Variants in DCHS2 observed in about 807,000 individuals in gnomAD.
DCHS2 encodes the protein protocadherin-23.
In DCHS2, 142 loss-of-function variants were observed where a neutral mutation model predicts 182.4. That is an observed-to-expected ratio of 0.78 (90% CI 0.68 to 0.89). The LOEUF is 0.89. Among genes scored for constraint, DCHS2 ranks in the 40% least tolerant of loss-of-function variants. The pLI, the probability that DCHS2 is intolerant of heterozygous loss-of-function variation, is 0.00. For missense variants in DCHS2, 4,319 were observed against 4,198.6 expected, an observed-to-expected ratio of 1.03 and a Z score of -0.79; for synonymous variants, 1,740 against 1,663.3, an observed-to-expected ratio of 1.05 and a Z score of -1.12.
chr4:154,425,179 G>A (rs987065760), intron 1 of DCHS2, among the ~76,000 whole-genome samples: 1 of 152,152 alleles, frequency 6.6e-6, no homozygotes, highest in African/African-American at 2.4e-5. Context: ...GACAATGGAA[G>A]TCATCCCAAA....
chr4:154,234,390 TTA>T lies in DCHS2; in HGVS notation c.*144_*145del. 8.6e-7 allele frequency: 1 copy of T among 1,165,696 alleles called. No individual in the cohort carries two copies. The highest frequency in any genetic ancestry group is 1.2e-6 in the Non-Finnish European group (1 of 862,660). The allele number at this position is 1,165,696 out of a possible 1,614,324, so 72.2% of individuals were successfully genotyped here. ...AAGGCTGGAAGAAATTGGAGAAACT[TTA>T]ATGGGGAAGTTTTAAAAACTCTAAC... On this transcript the variant is annotated 3_prime_UTR_variant, in exon 20 of 20. Transcript: ENST00000357232.
At chr4:154,312,265 T>A (rs1046499726) in intron 10 of DCHS2, among the ~76,000 whole-genome samples, 2 of 152,232 alleles carry the variant, frequency 1.3e-5, no homozygotes, top group Non-Finnish European at 2.9e-5. Flanking sequence ...GCCAGTAAGA[T>A]CGGCTTGTGC....
chr4:154,374,648 A>T (rs1730803493), intron 2 of DCHS2, among the ~76,000 whole-genome samples: 1 of 152,170 alleles, frequency 6.6e-6, no homozygotes, highest in Admixed American at 6.5e-5. Flanking sequence ...GTTCATTTTT[A>T]CATGTTTACT....
intron 1 of DCHS2, among the ~76,000 whole-genome samples, chr4:154,488,886 ATGTGTGTGTGTGTGTCTGTGTGTGTG>A (rs1240012001): frequency 5.1e-5 from 6 of 117,908 alleles, no homozygotes; most frequent in Non-Finnish European, 9.2e-5. Flanking sequence ...AAATATATAT[ATGTGTGTGTGTGTGTCTGTGTGTGTG>A]TGTGTGTGTG....
At position 154,333,198 on chromosome 4, in the gene DCHS2, C is replaced by G. The variant is rs1209905803; in HGVS notation, c.3010G>C (p.Glu1004Gln). ...CCGTTCCGCCCACTGTCTCTGTCTT[C>G]CGCACGTGCGAGGTACAAGGCTGTG... ...PGTALYLARA[E>Q]DRDSGRNGLI... Residue 1004 changes from glutamate to glutamine, a missense_variant, in exon 5 of 20, where the codon GAA (glutamate) becomes CAA (glutamine). Physicochemically the swap from Glu to Gln is conservative, Grantham distance 29. Coordinates refer to ENST00000357232, the MANE Select transcript of DCHS2 (RefSeq NM_001358235.2). The G allele has an allele frequency of 1.2e-6, 2 of 1,614,216 alleles. No individual in the cohort carries two copies.
At chr4:154,311,661 G>A (rs1735677470) in intron 10 of DCHS2, among the ~76,000 whole-genome samples, 1 of 152,144 alleles carries the variant, frequency 6.6e-6, no homozygotes, top group African/African-American at 2.4e-5. Flanking sequence ...TCTAAACAGT[G>A]AGGGCAGCTT....
At chr4:154,462,771 A>G (rs546991636) in intron 1 of DCHS2, among the ~76,000 whole-genome samples, 40 of 152,280 alleles carry the variant, frequency 2.6e-4, no homozygotes, top group Admixed American at 1.4e-3. Context: ...AATTTATACT[A>G]TCCATAGCTA....
At chr4:154,418,889 A>G (rs1399573967) in intron 1 of DCHS2, among the ~76,000 whole-genome samples, 1 of 152,252 alleles carries the variant, frequency 6.6e-6, no homozygotes, top group Non-Finnish European at 1.5e-5. Flanking sequence ...ATATTTTACA[A>G]TTTGAAATAA....
rs570202937 is a variant in DCHS2, at chr4:154,269,719, C to A, written c.6577+181G>T. ...GTTTGGAAATATTAAGAATATAATT[C>A]TTAGTGAATATAAATAAATAGTTTT... On this transcript the variant is annotated intron_variant, in intron 14 of 19. Coordinates refer to ENST00000357232, the MANE Select transcript of DCHS2 (RefSeq NM_001358235.2). Among the ~76,000 whole-genome samples the A allele has an allele frequency of 1.4e-4, 22 of 152,178 alleles. 1 individual carries two copies. In the South Asian group the frequency reaches 4.6e-3, roughly 32 times the overall value.
chr4:154,240,914 A>G, intron 17 of DCHS2, 91 bp from the exon 18 acceptor site: 1 of 1,496,578 alleles, frequency 6.7e-7, no homozygotes, highest in Non-Finnish European at 8.9e-7. Flanking sequence ...TTTTTATTCT[A>G]AGTCCAATAT....
At chr4:154,392,473 T>C (rs1434118443) in intron 1 of DCHS2, among the ~76,000 whole-genome samples, 4 of 152,100 alleles carry the variant, frequency 2.6e-5, no homozygotes, top group Non-Finnish European at 4.4e-5. Context: ...GCAAAGTGAG[T>C]AAGTTCACAA....
chr4:154,312,168 C>G (rs1735693888), intron 10 of DCHS2, among the ~76,000 whole-genome samples: 1 of 152,074 alleles, frequency 6.6e-6, no homozygotes, highest in African/African-American at 2.4e-5. Context: ...TTGGGAAATT[C>G]AACTTTTGAA....
chr4:154,476,695 C>T (rs902089404), intron 1 of DCHS2, among the ~76,000 whole-genome samples: 2 of 152,160 alleles, frequency 1.3e-5, no homozygotes, highest in Non-Finnish European at 2.9e-5. Context: ...TCTCTGCCAT[C>T]ATCTCATGAT....
At chr4:154,381,444 C>A (rs764664189) in intron 1 of DCHS2, among the ~76,000 whole-genome samples, 3 of 152,006 alleles carry the variant, frequency 2.0e-5, no homozygotes, top group African/African-American at 2.4e-5. Flanking sequence ...CCAGAGCAAT[C>A]GGGCAACAGA....
At chr4:154,471,919 C>G (rs960002912) in intron 1 of DCHS2, among the ~76,000 whole-genome samples, 1 of 152,108 alleles carries the variant, frequency 6.6e-6, no homozygotes. Flanking sequence ...ACTGCTGGAG[C>G]TTTCAGACTG....
intron 1 of DCHS2, among the ~76,000 whole-genome samples, chr4:154,454,220 A>G (rs1734665728): frequency 6.6e-6 from 1 of 152,210 alleles, no homozygotes; most frequent in Admixed American, 6.5e-5. Context: ...AAATTGTTTT[A>G]ATCAGAGAAA....
chr4:154,489,613 G>C lies in DCHS2; in HGVS notation c.1743C>G (p.Val581=), dbSNP rs890789050. The C allele has an allele frequency of 6.4e-7, 1 of 1,550,838 alleles. No homozygotes were observed. The highest frequency in any genetic ancestry group is 1.4e-5 in the African/African-American group (1 of 73,044). The change falls in exon 1 of 20, where the codon GTC becomes GTG. Residue 581 remains valine (V), a synonymous_variant. Transcript: ENST00000357232. ...CGAGATTGCAGGGAGCCGAGAGTTGGACTACAGTGTAGCGCAGCCAGGCGT... is the reference window on the plus strand; with the variant it reads ...CGAGATTGCAGGGAGCCGAGAGTTGCACTACAGTGTAGCGCAGCCAGGCGT... ...SDHAWLRYTV[V]QLSAPCNLGS...
chr4:154,456,586 T>G (rs147926203), intron 1 of DCHS2, among the ~76,000 whole-genome samples: 2 of 152,146 alleles, frequency 1.3e-5, no homozygotes, highest in Non-Finnish European at 2.9e-5. Context: ...TATACAATTT[T>G]ATTAAGCAAA....
At chr4:154,303,503 AAG>A (rs1491419898) in intron 12 of DCHS2, among the ~76,000 whole-genome samples, 1 of 149,466 alleles carries the variant, frequency 6.7e-6, no homozygotes, top group Non-Finnish European at 1.5e-5. Flanking sequence ...AAAAAAAAAA[AAG>A]CTGAAGATCA....
Sources: allele counts gnomAD v4.1 joint callset (sites outside exome capture counted in the v4.1 genomes callset), GRCh38; gene constraint gnomAD v4.1.1; transcripts MANE v1.5; gene names NCBI Gene and HGNC (gene_info 2026-07-23, HGNC 2026-07-21).